Variants in ADAM12 observed in about 807,000 individuals in gnomAD.
ADAM12 encodes the protein ADAM metallopeptidase domain 12.
A neutral mutation model predicts 106.4 loss-of-function variants in ADAM12; 70 were observed. The ratio of observed to expected loss-of-function variants is 0.66; its 90% confidence interval spans 0.54 to 0.80. The LOEUF (loss-of-function observed/expected upper bound fraction) is 0.80, where lower values mean the gene tolerates loss of function less well. Ranked by LOEUF, ADAM12 falls within the 30% of genes least tolerant of loss-of-function variation. The pLI, the probability that ADAM12 is intolerant of heterozygous loss-of-function variation, is 0.00. For synonymous variants in ADAM12, 420 were observed against 433.5 expected, an observed-to-expected ratio of 0.97 and a Z score of 0.39; for missense variants, 1,010 against 1,171.9, an observed-to-expected ratio of 0.86 and a Z score of 2.02.
intron 3 of ADAM12, among the ~76,000 whole-genome samples, chr10:126,232,507 T>G (rs1399105265): frequency 6.6e-6 from 1 of 152,178 alleles, no homozygotes; most frequent in African/African-American, 2.4e-5. Flanking sequence ...TGTAGTGATT[T>G]TTTTAGAGCA....
chr10:126,123,937 AAATTTT>A (rs745658052), intron 5 of ADAM12, among the ~76,000 whole-genome samples: 12 of 152,194 alleles, frequency 7.9e-5, no homozygotes, highest in Admixed American at 3.9e-4. Flanking sequence ...GAATCTATTA[AAATTTT>A]ATTAGTTGAT....
intron 1 of ADAM12, among the ~76,000 whole-genome samples, chr10:126,344,564 T>G (rs1292270379): frequency 1.3e-5 from 2 of 152,190 alleles, no homozygotes; most frequent in African/African-American, 4.8e-5. Flanking sequence ...GTGAAGAAAG[T>G]CATTGGTAGT....
At chr10:126,381,083 T>A (rs902263695) in intron 1 of ADAM12, among the ~76,000 whole-genome samples, 2 of 152,228 alleles carry the variant, frequency 1.3e-5, no homozygotes, top group Non-Finnish European at 2.9e-5. Flanking sequence ...AGCTGCAACA[T>A]TTATCTAATT....
intron 4 of ADAM12, among the ~76,000 whole-genome samples, chr10:126,143,042 G>T (rs945793705): frequency 7.5e-6 from 1 of 133,982 alleles, no homozygotes; most frequent in Admixed American, 7.7e-5. Context: ...ATATATGTAT[G>T]TGTGTATATG....
At chr10:126,387,965 C>G in intron 1 of ADAM12, 93 bp downstream of exon 1, 4 of 1,171,656 alleles carry the variant, frequency 3.4e-6, no homozygotes, top group Non-Finnish European at 4.2e-6. Context: ...GCGCGTCGCC[C>G]CTCGGGGCAG....
intron 3 of ADAM12, among the ~76,000 whole-genome samples, chr10:126,277,832 T>TA (rs1959343574): frequency 6.6e-6 from 1 of 152,186 alleles, no homozygotes; most frequent in Non-Finnish European, 1.5e-5. Flanking sequence ...AGGGAGCAGG[T>TA]AGTGTGATTT....
chr10:126,369,011 T>A (rs1275702610), intron 1 of ADAM12, among the ~76,000 whole-genome samples: 1 of 152,220 alleles, frequency 6.6e-6, no homozygotes, highest in African/African-American at 2.4e-5. Context: ...AAAATTAGCA[T>A]CCATTACAGC....
At chr10:126,244,770 T>C (rs1958596385) in intron 3 of ADAM12, among the ~76,000 whole-genome samples, 1 of 152,090 alleles carries the variant, frequency 6.6e-6, no homozygotes, top group Non-Finnish European at 1.5e-5. Flanking sequence ...TGTAAAGTTG[T>C]ATGGAATGAA....
chr10:126,317,568 C>T (rs1421682882), intron 2 of ADAM12, among the ~76,000 whole-genome samples: 1 of 152,056 alleles, frequency 6.6e-6, no homozygotes, highest in African/African-American at 2.4e-5. Flanking sequence ...ATGTGAAATA[C>T]CAGAGCTAGG....
At chr10:126,051,668 T>G (rs1565015738) in intron 14 of ADAM12, among the ~76,000 whole-genome samples, 1 of 151,418 alleles carries the variant, frequency 6.6e-6, no homozygotes, top group African/African-American at 2.4e-5. Context: ...CACCCATCCA[T>G]CCAGCCAGCC....
intron 1 of ADAM12, among the ~76,000 whole-genome samples, chr10:126,332,376 A>G (rs1053889996): frequency 6.6e-6 from 1 of 152,188 alleles, no homozygotes; most frequent in African/African-American, 2.4e-5. Flanking sequence ...ACGTAGAGAA[A>G]ACTGCCCTCA....
chr10:126,196,034 G>A (rs1018153737), intron 3 of ADAM12, among the ~76,000 whole-genome samples: 5 of 152,202 alleles, frequency 3.3e-5, no homozygotes, highest in African/African-American at 4.8e-5. Flanking sequence ...GCTACTTAAC[G>A]TGTTGCTTAT....
chr10:126,222,222 C>A (rs1041933544), intron 3 of ADAM12, among the ~76,000 whole-genome samples: 2 of 152,022 alleles, frequency 1.3e-5, no homozygotes, highest in Non-Finnish European at 2.9e-5. Flanking sequence ...CTGCATAAAG[C>A]TTTTGTTTGC....
intron 16 of ADAM12, among the ~76,000 whole-genome samples, chr10:126,048,008 T>C (rs1954373602): frequency 6.6e-6 from 1 of 152,210 alleles, no homozygotes; most frequent in Non-Finnish European, 1.5e-5. Flanking sequence ...TGGATGGAAC[T>C]GGAGGCTGTT....
At chr10:126,108,504 A>C in intron 8 of ADAM12, 89 bp downstream of exon 8, 1 of 1,204,458 alleles carries the variant, frequency 8.3e-7, no homozygotes, top group Non-Finnish European at 1.2e-6. Flanking sequence ...GCAGAACCTC[A>C]TCTCCTTGCT....
chr10:126,343,519 T>C (rs1442233620), intron 1 of ADAM12, among the ~76,000 whole-genome samples: 1 of 152,192 alleles, frequency 6.6e-6, no homozygotes, highest in East Asian at 1.9e-4. Flanking sequence ...AGCAGCATGA[T>C]TTATAATCCT....
intron 21 of ADAM12, among the ~76,000 whole-genome samples, chr10:126,034,435 A>G (rs1178308538): frequency 6.6e-6 from 1 of 152,242 alleles, no homozygotes; most frequent in Non-Finnish European, 1.5e-5. Flanking sequence ...ACAAAGATAT[A>G]TACTCAAAAA....
chr10:126,330,847 ACTTT>A (rs1317651892), intron 1 of ADAM12, among the ~76,000 whole-genome samples: 1 of 152,240 alleles, frequency 6.6e-6, no homozygotes. Flanking sequence ...ATGAATTGAT[ACTTT>A]ATTTAGGATC....
At chr10:126,073,163 A>C (rs1955031565) in intron 11 of ADAM12, among the ~76,000 whole-genome samples, 1 of 152,122 alleles carries the variant, frequency 6.6e-6, no homozygotes, top group Non-Finnish European at 1.5e-5. Context: ...GCAGTGTCTC[A>C]CTGCAACCTC....
Sources: allele counts gnomAD v4.1 joint callset (sites outside exome capture counted in the v4.1 genomes callset), GRCh38; gene constraint gnomAD v4.1.1; transcripts MANE v1.5; gene names NCBI Gene and HGNC (gene_info 2026-07-23, HGNC 2026-07-21).